The following GBA1 variants were observed in gnomAD, a reference collection of about 807,000 sequenced individuals.
GBA1 encodes the protein glucosylceramidase beta 1.
At chr1:155,238,684 G>A in the GBA1 span, 55 of 1,612,972 alleles carry the variant, frequency 3.4e-5, no homozygotes, top group South Asian at 2.7e-4. Context: ...ATGGTAGTCC[G>A]AGTCAATAGG....
At chr1:155,241,381 A>C in the GBA1 span, 1 of 559,196 alleles carries the variant, frequency 1.8e-6, no homozygotes, top group Non-Finnish European at 3.2e-6. Context: ...GCCCTATAAA[A>C]CTCTGGAGGG....
the GBA1 span, chr1:155,240,830 A>T: frequency 2.0e-6 from 2 of 983,316 alleles, no homozygotes; most frequent in East Asian, 4.8e-5. Flanking sequence ...TCCCACATTC[A>T]TTAGGACAAG....
At chr1:155,240,186 G>A in the GBA1 span, 263 of 964,378 alleles carry the variant, frequency 2.7e-4, 1 homozygote, top group South Asian at 1.1e-3. Context: ...CCCCTTGGCC[G>A]GGCGCAGGGG....
At chr1:155,240,615 C>T in the GBA1 span, 13 of 1,608,554 alleles carry the variant, frequency 8.1e-6, no homozygotes, top group East Asian at 2.2e-5. Flanking sequence ...CTCCCCACTG[C>T]CTTGACTCAC....
the GBA1 span, chr1:155,237,835 G>A: frequency 0.34 from 254,409 of 742,622 alleles, 48,869 homozygotes; most frequent in East Asian, 0.73. Flanking sequence ...TCAGGAGGCA[G>A]AGGTTACAGT....
the GBA1 span, chr1:155,239,661 G>C: frequency 1.2e-6 from 2 of 1,614,108 alleles, no homozygotes; most frequent in Non-Finnish European, 1.7e-6. Flanking sequence ...TGGGCAGGGG[G>C]TGACAGGGCA....
At chr1:155,242,917 A>G in the GBA1 span, among the ~76,000 whole-genome samples, 11 of 152,200 alleles carry the variant, frequency 7.2e-5, no homozygotes, top group Non-Finnish European at 1.5e-4. Context: ...GTACAGTCTC[A>G]GTGAGACAGC....
chr1:155,240,600 G>T, the GBA1 span: 2 of 1,546,184 alleles, frequency 1.3e-6, no homozygotes, highest in Non-Finnish European at 1.8e-6. Flanking sequence ...GAGGCTCTGT[G>T]CTACCTCCCC....
At chr1:155,241,704 T>C in the GBA1 span, among the ~76,000 whole-genome samples, 2 of 152,062 alleles carry the variant, frequency 1.3e-5, no homozygotes, top group East Asian at 3.9e-4. Flanking sequence ...CTCTCTGAGA[T>C]GAGGAGGGAC....
chr1:155,238,223 G>T, the GBA1 span: 1 of 1,613,970 alleles, frequency 6.2e-7, no homozygotes, highest in Non-Finnish European at 8.5e-7. Flanking sequence ...CATTGGTCTT[G>T]AGCCAAGTGG....
At chr1:155,239,700 T>C in the GBA1 span, 16 of 1,614,028 alleles carry the variant, frequency 9.9e-6, no homozygotes, top group East Asian at 2.2e-5. Context: ...GCATCTGTCA[T>C]GGCCCCTCCA....
chr1:155,240,815 C>G, the GBA1 span: 3 of 1,052,050 alleles, frequency 2.9e-6, no homozygotes, highest in African/African-American at 4.7e-5. Flanking sequence ...GCCCATGGCC[C>G]GGTCTCCCAC....
chr1:155,236,439 CA>C, the GBA1 span: 4 of 1,614,182 alleles, frequency 2.5e-6, no homozygotes, highest in Non-Finnish European at 3.4e-6. Flanking sequence ...ATGCCATGAA[CA>C]TATTTAGCTG....
chr1:155,237,996 G>C, the GBA1 span: 1 of 927,340 alleles, frequency 1.1e-6, no homozygotes, highest in African/African-American at 1.6e-5. Flanking sequence ...CAGGCCCAAG[G>C]CTGAAAGGCC....
At chr1:155,239,603 C>T in the GBA1 span, 1 of 1,614,114 alleles carries the variant, frequency 6.2e-7, no homozygotes, top group Non-Finnish European at 8.5e-7. Context: ...CATCTTGTCC[C>T]CTTCCTCCTC....
the GBA1 span, among the ~76,000 whole-genome samples, chr1:155,243,786 T>G: frequency 2.6e-5 from 4 of 151,888 alleles, no homozygotes; most frequent in Non-Finnish European, 5.9e-5. Context: ...GTTTTGTTTT[T>G]TTTTTTGAGA....
At chr1:155,238,629 C>T in the GBA1 span, 13 of 1,613,418 alleles carry the variant, frequency 8.1e-6, no homozygotes, top group Admixed American at 1.7e-5. Context: ...CATGGGTACC[C>T]GGATGATGTT....
At chr1:155,242,370 C>T in the GBA1 span, among the ~76,000 whole-genome samples, 49 of 151,994 alleles carry the variant, frequency 3.2e-4, no homozygotes, top group Non-Finnish European at 6.5e-4. Flanking sequence ...TTACAGGTGC[C>T]CTCCAACATG....
chr1:155,236,538 G>T, the GBA1 span: 1 of 1,298,900 alleles, frequency 7.7e-7, no homozygotes, highest in South Asian at 1.2e-5. Context: ...TCCTGTTGTA[G>T]GAATCCTGGA....
Sources: gnomAD v4.1 joint callset for allele counts (sites outside exome capture counted in the v4.1 genomes callset) on GRCh38, gnomAD v4.1.1 for gene constraint, MANE v1.5 for transcripts, NCBI Gene and HGNC (gene_info 2026-07-23, HGNC 2026-07-21) for gene names.